WWOX: variants seen among roughly 807,000 people sequenced by gnomAD.
WWOX encodes WW domain-containing oxidoreductase.
A neutral mutation model predicts 46.2 loss-of-function variants in WWOX; 69 were observed. That is an observed-to-expected ratio of 1.49 (90% confidence interval 1.23 to 1.82). The LOEUF (loss-of-function observed/expected upper bound fraction) is 1.82. Ranked by LOEUF, WWOX falls within the 40% of genes most tolerant of loss-of-function variation. The pLI, the probability that WWOX is intolerant of heterozygous loss-of-function variation, is 0.00. For missense variants in WWOX, 919 were observed against 542.6 expected (o/e 1.69, Z -6.89); for synonymous variants, 359 against 202.6 (o/e 1.77, Z -6.56).
chr16:78,729,675 A>G (rs2048920985), intron 8 of WWOX, among the ~76,000 whole-genome samples: 2 of 152,134 alleles, frequency 1.3e-5, no homozygotes, highest in Admixed American at 6.5e-5. Flanking sequence ...CCGGAACTGC[A>G]AAAGAACAAG....
intron 8 of WWOX, among the ~76,000 whole-genome samples, chr16:79,105,031 T>C (rs970157385): frequency 6.6e-6 from 1 of 152,004 alleles, no homozygotes; most frequent in African/African-American, 2.4e-5. Flanking sequence ...CGGGGCTGGG[T>C]CTAGAGTTTT....
intron 8 of WWOX, among the ~76,000 whole-genome samples, chr16:78,945,665 C>A (rs1324478596): frequency 6.6e-6 from 1 of 151,924 alleles, no homozygotes; most frequent in Non-Finnish European, 1.5e-5. Flanking sequence ...AAGTTGGCAT[C>A]TTTTTTTCTT....
chr16:78,771,919 A>G (rs1031382534), intron 8 of WWOX, among the ~76,000 whole-genome samples: 1 of 152,248 alleles, frequency 6.6e-6, no homozygotes, highest in Admixed American at 6.5e-5. Context: ...GTACTACAAT[A>G]AAAACCATTT....
intron 8 of WWOX, among the ~76,000 whole-genome samples, chr16:78,672,339 G>A (rs919982933): frequency 6.6e-6 from 1 of 152,180 alleles, no homozygotes; most frequent in Non-Finnish European, 1.5e-5. Flanking sequence ...GGAAGTGCTT[G>A]TTAACTTTGC....
chr16:78,473,153 C>G (rs544732252), intron 8 of WWOX, among the ~76,000 whole-genome samples: 27 of 152,174 alleles, frequency 1.8e-4, no homozygotes, highest in African/African-American at 5.8e-4. Context: ...GCTTTGAGAC[C>G]GAGTCTCACT....
intron 8 of WWOX, among the ~76,000 whole-genome samples, chr16:78,829,744 C>T (rs1458052793): frequency 1.3e-5 from 2 of 152,110 alleles, no homozygotes; most frequent in African/African-American, 2.4e-5. Flanking sequence ...AACTGAGACC[C>T]AGAGATTCAG....
chr16:78,358,043 G>A (rs1260270367), intron 5 of WWOX, among the ~76,000 whole-genome samples: 4 of 152,132 alleles, frequency 2.6e-5, no homozygotes, highest in African/African-American at 9.7e-5. Context: ...TGAACCATAT[G>A]CACGAGAACT....
chr16:78,939,088 T>C (rs897520046), intron 8 of WWOX, among the ~76,000 whole-genome samples: 3 of 152,216 alleles, frequency 2.0e-5, no homozygotes, highest in African/African-American at 7.2e-5. Context: ...AGGAGGGCTT[T>C]AGACAGGACA....
In WWOX at chr16:78,460,914, A is replaced by T. The variant is rs923165218; in HGVS notation, c.1056+28162A>T. Among the ~76,000 whole-genome samples the T allele has an allele frequency of 2.0e-5, 3 of 152,218 alleles. 1 individual carries two copies. The highest frequency in any genetic ancestry group is 4.4e-5 in the Non-Finnish European group (3 of 68,040). On this transcript the variant is annotated intron_variant, in intron 8 of 8. Coordinates refer to ENST00000566780, the MANE Select transcript of WWOX (RefSeq NM_016373.4). ...TTTCTCTGGAGAATAATTCTGAAGA[A>T]ATAGGCCCTCCAGATATCAGTAGTG... is the stretch of plus-strand genomic sequence containing the variant.
Position 78,551,701 on chromosome 16 carries a change from C to G in WWOX, c.1056+118949C>G, listed in dbSNP as rs1567589. On this transcript the variant is annotated intron_variant, in intron 8 of 8. Transcript: ENST00000566780. ...CAGATCACACAGGCAGGCTGAGGAG[C>G]GCTTAACACCCCAGCCTCCCATGAA... is the stretch of plus-strand genomic sequence containing the variant. 5 of 149,836 alleles carry G rather than the reference C, an allele frequency of 3.3e-5. No homozygotes were observed. In the Admixed American group the frequency reaches 3.3e-4, roughly 10 times the overall value. The allele number at this position is 149,836 out of a possible 1,614,324, so 9.3% of individuals were successfully genotyped here.
chr16:78,477,869 A>G (rs1012333621), intron 8 of WWOX, among the ~76,000 whole-genome samples: 6 of 152,232 alleles, frequency 3.9e-5, no homozygotes, highest in Non-Finnish European at 8.8e-5. Context: ...TAGTGGATTT[A>G]TAATATTAGT....
intron 5 of WWOX, among the ~76,000 whole-genome samples, chr16:78,262,571 C>T (rs1247785146): frequency 6.6e-6 from 1 of 152,154 alleles, no homozygotes; most frequent in Non-Finnish European, 1.5e-5. Context: ...AGGCCCCTGT[C>T]CCCAGCTTAC....
chr16:78,362,790 A>G (rs1801810489), intron 5 of WWOX, among the ~76,000 whole-genome samples: 1 of 152,206 alleles, frequency 6.6e-6, no homozygotes, highest in African/African-American at 2.4e-5. Flanking sequence ...ATATACCACA[A>G]GCATTATCTT....
intron 8 of WWOX, among the ~76,000 whole-genome samples, chr16:78,623,209 G>A (rs377304006): frequency 6.6e-5 from 10 of 152,004 alleles, no homozygotes; most frequent in African/African-American, 2.2e-4. Flanking sequence ...GATAATAAAT[G>A]TATGTGGCTT....
At chr16:78,439,425 A>T (rs947317013) in intron 8 of WWOX, among the ~76,000 whole-genome samples, 2 of 152,176 alleles carry the variant, frequency 1.3e-5, no homozygotes, top group Non-Finnish European at 2.9e-5. Flanking sequence ...ACCTTCTTGC[A>T]GGAAGAAACA....
chr16:78,586,814 G>C (rs1393184584), intron 8 of WWOX, among the ~76,000 whole-genome samples: 1 of 152,066 alleles, frequency 6.6e-6, no homozygotes, highest in African/African-American at 2.4e-5. Flanking sequence ...ATGTATAATT[G>C]ATGGGTCTAT....
intron 8 of WWOX, among the ~76,000 whole-genome samples, chr16:79,197,214 A>G (rs1019678729): frequency 6.6e-6 from 1 of 152,166 alleles, no homozygotes; most frequent in African/African-American, 2.4e-5. Context: ...CACAGTGCCT[A>G]CCACATCCCA....
At chr16:78,401,581 G>T (rs982189149) in intron 6 of WWOX, among the ~76,000 whole-genome samples, 2 of 152,134 alleles carry the variant, frequency 1.3e-5, no homozygotes, top group East Asian at 3.9e-4. Flanking sequence ...GTCTGCTTTA[G>T]GGAAAGGGTG....
intron 8 of WWOX, among the ~76,000 whole-genome samples, chr16:78,929,846 G>C (rs963763780): frequency 6.6e-6 from 1 of 152,196 alleles, no homozygotes; most frequent in South Asian, 2.1e-4. Flanking sequence ...AAATGCGATT[G>C]TGCACGGACC....
Sources: allele counts gnomAD v4.1 joint callset (sites outside exome capture counted in the v4.1 genomes callset), GRCh38; gene constraint gnomAD v4.1.1; transcripts MANE v1.5; gene names NCBI Gene and HGNC (gene_info 2026-07-23, HGNC 2026-07-21).